DLGAP2: variants seen among roughly 807,000 people sequenced by gnomAD.
DLGAP2 encodes disks large-associated protein 2.
A neutral mutation model predicts 100.3 loss-of-function variants in DLGAP2; 26 were observed. That is an observed-to-expected ratio of 0.26 (90% confidence interval 0.19 to 0.36). The LOEUF (loss-of-function observed/expected upper bound fraction) is 0.36. DLGAP2 is among the 10% of genes least tolerant of loss of function. DLGAP2 has a pLI of 1.00. For synonymous variants in DLGAP2, 886 were observed against 630.1 expected, an observed-to-expected ratio of 1.41 and a Z score of -6.08; for missense variants, 1,858 against 1,453.2, an observed-to-expected ratio of 1.28 and a Z score of -4.53.
At position 932,343 on chromosome 8, in the gene DLGAP2, C is replaced by T. The variant is rs114009581; in HGVS notation, c.73+24377C>T. Among the ~76,000 whole-genome samples, 226 of 152,272 alleles carry T rather than the reference C, an allele frequency of 1.5e-3. 1 individual carries two copies. The highest frequency in any genetic ancestry group is 5.1e-3 in the African/African-American group (211 of 41,552). On this transcript the variant is annotated intron_variant, in intron 2 of 14. Transcript: ENST00000637795. ...ATTCATAGGAGGGACTCTCATGATC[C>T]GGTTCTTTTCTTCTTATGATTTGTA...
intron 2 of DLGAP2, among the ~76,000 whole-genome samples, chr8:1,233,521 G>C (rs75511591): frequency 1.1e-3 from 173 of 152,330 alleles, no homozygotes; most frequent in African/African-American, 4.0e-3. Context: ...CGCAGCTGGA[G>C]CCCTGTGATG....
chr8:857,408 C>G (rs966786720), intron 1 of DLGAP2, among the ~76,000 whole-genome samples: 1 of 152,012 alleles, frequency 6.6e-6, no homozygotes, highest in Non-Finnish European at 1.5e-5. Context: ...AAGTCCAGAC[C>G]GGGAGAAAAT....
chr8:1,126,768 C>G (rs981645911), intron 2 of DLGAP2, among the ~76,000 whole-genome samples: 3 of 152,068 alleles, frequency 2.0e-5, no homozygotes, highest in Admixed American at 1.3e-4. Context: ...TGCAGAGACT[C>G]TTGAGGGGTC....
intron 2 of DLGAP2, among the ~76,000 whole-genome samples, chr8:940,828 C>T (rs1799179750): frequency 6.6e-6 from 1 of 152,120 alleles, no homozygotes; most frequent in Non-Finnish European, 1.5e-5. Flanking sequence ...GGTTGTCCAC[C>T]CACCTCACTG....
At chr8:822,158 C>G in intron 1 of DLGAP2, 1 of 399,702 alleles carries the variant, frequency 2.5e-6, no homozygotes, top group Non-Finnish European at 4.4e-6. Context: ...TAACCCTCTG[C>G]CTGCGCCCAG....
chr8:1,417,398 A>C lies in DLGAP2; in HGVS notation c.107-83968A>C, dbSNP rs1404929194. On this transcript the variant is annotated intron_variant, in intron 3 of 14. Coordinates refer to ENST00000637795, the MANE Select transcript of DLGAP2 (RefSeq NM_001346810.2). ...TCACTGCTTTTATCCTGATCAGGAC[A>C]CGGAGCCTCTGATTGTTGAAGCAAA... 3.3e-5 allele frequency among the ~76,000 whole-genome samples: 5 copies of C among 152,336 alleles called. 1 individual carries two copies. Among genetic ancestry groups the C allele is most frequent in the South Asian group, 4.1e-4 (2 of 4,832 alleles).
At position 1,641,803 on chromosome 8, in the gene DLGAP2, A is replaced by G. The variant is rs1797906749; in HGVS notation, c.1810+8757A>G. Reference sequence around the variant, plus strand: ...TGCTTGCATAAGTCAGTAGGTGAATAAATTAGTCATTTCAGGTTTTCAGAT... The same window carrying G: ...TGCTTGCATAAGTCAGTAGGTGAATGAATTAGTCATTTCAGGTTTTCAGAT... On this transcript the variant is annotated intron_variant, in intron 8 of 14. Transcript: ENST00000637795. 8.5e-5 allele frequency among the ~76,000 whole-genome samples: 13 copies of G among 152,140 alleles called. No individual in the cohort carries two copies. The South Asian group carries it at 2.5e-3, about 29-fold the overall frequency.
intron 4 of DLGAP2, among the ~76,000 whole-genome samples, chr8:1,537,327 A>G (rs1801187289): frequency 6.6e-6 from 1 of 151,970 alleles, no homozygotes; most frequent in South Asian, 2.1e-4. Flanking sequence ...GTGTGTGGTG[A>G]GTGTGTGTTG....
intron 3 of DLGAP2, among the ~76,000 whole-genome samples, chr8:1,414,791 C>T (rs1268206632): frequency 1.3e-5 from 2 of 152,156 alleles, no homozygotes; most frequent in Non-Finnish European, 1.5e-5. Flanking sequence ...GGCAGATCAC[C>T]TGAGGTCAGG....
chr8:1,026,102 C>T (rs778267875), intron 2 of DLGAP2, among the ~76,000 whole-genome samples: 11 of 152,214 alleles, frequency 7.2e-5, no homozygotes, highest in Admixed American at 2.6e-4. Context: ...AGAAACGGAG[C>T]TCAGCTGCCA....
At chr8:1,275,195 C>T (rs1398749807) in intron 3 of DLGAP2, among the ~76,000 whole-genome samples, 1 of 151,996 alleles carries the variant, frequency 6.6e-6, no homozygotes, top group Non-Finnish European at 1.5e-5. Flanking sequence ...AACCTGATCC[C>T]AATGTTAAGG....
chr8:1,414,707 T>C (rs1009421452), intron 3 of DLGAP2, among the ~76,000 whole-genome samples: 30 of 152,138 alleles, frequency 2.0e-4, no homozygotes, highest in African/African-American at 7.2e-4. Context: ...TGGAACCTCC[T>C]GTTAAATAAT....
At chr8:1,034,542 G>A (rs375313820) in intron 2 of DLGAP2, among the ~76,000 whole-genome samples, 16 of 85,102 alleles carry the variant, frequency 1.9e-4, no homozygotes, top group South Asian at 4.8e-4. Flanking sequence ...CCGACCCCGC[G>A]TGTCACCGCG....
chr8:1,121,023 T>C (rs770136645), intron 2 of DLGAP2, among the ~76,000 whole-genome samples: 2 of 151,102 alleles, frequency 1.3e-5, no homozygotes, highest in Admixed American at 6.6e-5. Flanking sequence ...TTAGAACCCC[T>C]GGCCACGCAT....
chr8:1,193,608 C>T (rs1797685224), intron 2 of DLGAP2, among the ~76,000 whole-genome samples: 1 of 152,174 alleles, frequency 6.6e-6, no homozygotes, highest in Non-Finnish European at 1.5e-5. Context: ...ACCCCATTAT[C>T]TGTGTGTCCG....
chr8:1,443,643 A>C (rs542671415), intron 3 of DLGAP2, among the ~76,000 whole-genome samples: 1 of 152,192 alleles, frequency 6.6e-6, no homozygotes, highest in Non-Finnish European at 1.5e-5. Flanking sequence ...ATGAGCAGCA[A>C]AGTCACATCT....
chr8:1,480,124 C>A (rs1019751095), intron 3 of DLGAP2, among the ~76,000 whole-genome samples: 1 of 152,216 alleles, frequency 6.6e-6, no homozygotes, highest in Non-Finnish European at 1.5e-5. Context: ...CGAACCCCGG[C>A]TGTCTGGCTA....
intron 2 of DLGAP2, among the ~76,000 whole-genome samples, chr8:1,180,007 T>G (rs1797345535): frequency 6.6e-6 from 1 of 152,250 alleles, no homozygotes; most frequent in African/African-American, 2.4e-5. Context: ...TACTAGCCAG[T>G]TAAAGTGAAC....
chr8:761,479 G>T (rs1449936997), intron 1 of DLGAP2, among the ~76,000 whole-genome samples: 1 of 152,190 alleles, frequency 6.6e-6, no homozygotes, highest in Admixed American at 6.5e-5. Flanking sequence ...TAAGATTGTA[G>T]TTTTTTATAT....
Sources: allele counts gnomAD v4.1 joint callset (sites outside exome capture counted in the v4.1 genomes callset), GRCh38; gene constraint gnomAD v4.1.1; transcripts MANE v1.5; gene names NCBI Gene and HGNC (gene_info 2026-07-23, HGNC 2026-07-21).